Variants in GABBR2 observed in about 807,000 individuals in gnomAD.
GABBR2 encodes G-protein coupled receptor 51.
GABBR2 carries 23 observed loss-of-function variants against 105.6 expected under a neutral mutation model. The observed-to-expected ratio is 0.22, with a 90% CI of 0.16 to 0.31. GABBR2 has a LOEUF of 0.31. Among genes scored for constraint, GABBR2 ranks in the 10% least tolerant of loss-of-function variants. The probability of loss-of-function intolerance (pLI) is 1.00; values close to 1 mark genes in which losing one functional copy is unlikely to be tolerated. For missense variants in GABBR2, 734 were observed against 1,245.5 expected (o/e 0.59, Z 6.18); for synonymous variants, 478 against 499.7 (o/e 0.96, Z 0.58).
Position 98,306,079 on chromosome 9 carries a change from AGTCAGAG to A in GABBR2, c.2229+35_2229+41del. ...AAAGCCAGCAATGCCCCTGTGCTGG[AGTCAGAG>A]GGCAGAGGCCAGGTGGTGGGGCCAG... is the stretch of plus-strand genomic sequence containing the variant. On this transcript the variant is annotated intron_variant, in intron 15 of 18. Transcript: ENST00000259455. The surrounding 1 kb of genome is among the most constrained non-coding windows in gnomAD (Gnocchi z 5.4). 1 of 1,353,146 alleles carries A rather than the reference AGTCAGAG, an allele frequency of 7.4e-7. No homozygotes were observed. Among genetic ancestry groups the A allele is most frequent in the Non-Finnish European group, 1.1e-6 (1 of 947,470 alleles). 83.8% of individuals were successfully genotyped at this position (1,353,146 alleles called of 1,614,324 possible).
At chr9:98,633,061 C>A (rs1178248755) in intron 1 of GABBR2, among the ~76,000 whole-genome samples, 1 of 152,112 alleles carries the variant, frequency 6.6e-6, no homozygotes, top group Non-Finnish European at 1.5e-5. Context: ...TTGTAGATAT[C>A]CGTGGTGTGA....
chr9:98,446,922 G>C (rs1409872347), intron 7 of GABBR2, among the ~76,000 whole-genome samples: 4 of 152,142 alleles, frequency 2.6e-5, no homozygotes, highest in South Asian at 2.1e-4. Context: ...TAATCTGGGG[G>C]ATAGAGTCAC....
At chr9:98,297,275 T>C (rs958608613) in intron 17 of GABBR2, among the ~76,000 whole-genome samples, 20 of 152,208 alleles carry the variant, frequency 1.3e-4, no homozygotes, top group Admixed American at 3.3e-4. Flanking sequence ...ATATTAATTA[T>C]AGAATATTGC....
intron 1 of GABBR2, among the ~76,000 whole-genome samples, chr9:98,689,751 C>G (rs1830662823): frequency 6.6e-6 from 1 of 152,182 alleles, no homozygotes; most frequent in Non-Finnish European, 1.5e-5. Flanking sequence ...TGTCAGTTAT[C>G]ATTACATATA....
At chr9:98,383,454 G>A (rs1472737199) in intron 11 of GABBR2, among the ~76,000 whole-genome samples, 1 of 152,190 alleles carries the variant, frequency 6.6e-6, no homozygotes, top group Non-Finnish European at 1.5e-5. Context: ...GTGGGAATGA[G>A]CCAGTGCCAG....
At chr9:98,627,663 C>T (rs752104766) in intron 1 of GABBR2, among the ~76,000 whole-genome samples, 3 of 152,238 alleles carry the variant, frequency 2.0e-5, no homozygotes, top group Non-Finnish European at 4.4e-5. Context: ...GATGAGCACC[C>T]ATCAGGGCGT....
At position 98,654,514 on chromosome 9, in the gene GABBR2, T is replaced by C. The variant is rs373859171; in HGVS notation, c.321+53903A>G. ...TGGAGCATACATACTAGTGGTGAAA[T>C]GGATATTAGTCAAATAGTCAAACAA... On this transcript the variant is annotated intron_variant, in intron 1 of 18. Transcript: ENST00000259455. 1.8e-4 allele frequency among the ~76,000 whole-genome samples: 27 copies of C among 152,302 alleles called. No homozygotes were observed. In the East Asian group the frequency reaches 4.2e-3, roughly 24 times the overall value.
intron 17 of GABBR2, among the ~76,000 whole-genome samples, chr9:98,298,041 T>TA (rs34384818): frequency 0.12 from 15,968 of 133,492 alleles, 1,217 homozygotes; most frequent in African/African-American, 0.22. Context: ...GACTCCATCT[T>TA]AAAAAAAAAA....
intron 1 of GABBR2, among the ~76,000 whole-genome samples, chr9:98,602,139 C>T (rs1329691663): frequency 1.3e-5 from 2 of 151,472 alleles, no homozygotes; most frequent in Non-Finnish European, 2.9e-5. Context: ...TAGCTGGGAC[C>T]ACAGGCTTGC....
intron 1 of GABBR2, among the ~76,000 whole-genome samples, chr9:98,586,679 T>A (rs1378182459): frequency 6.6e-6 from 1 of 152,256 alleles, no homozygotes; most frequent in South Asian, 2.1e-4. Context: ...TTTCCGAACA[T>A]ACATATAAGT....
intron 1 of GABBR2, among the ~76,000 whole-genome samples, chr9:98,670,265 C>T (rs1360550153): frequency 1.4e-5 from 2 of 146,980 alleles, no homozygotes; most frequent in Non-Finnish European, 3.0e-5. Context: ...ACATTTTCGT[C>T]ACCTCAAAAA....
At chr9:98,561,154 GT>G (rs1265453496) in intron 2 of GABBR2, among the ~76,000 whole-genome samples, 1 of 151,632 alleles carries the variant, frequency 6.6e-6, no homozygotes, top group East Asian at 1.9e-4. Context: ...TTTTCTTATT[GT>G]TTTCCACAAT....
At chr9:98,585,756 T>C (rs1412263651) in intron 1 of GABBR2, among the ~76,000 whole-genome samples, 1 of 89,612 alleles carries the variant, frequency 1.1e-5, no homozygotes, top group East Asian at 2.1e-4. Flanking sequence ...GTATCCCTAA[T>C]TCAAAAATCT....
intron 7 of GABBR2, among the ~76,000 whole-genome samples, chr9:98,413,748 C>T (rs1410272709): frequency 6.6e-6 from 1 of 152,154 alleles, no homozygotes; most frequent in East Asian, 1.9e-4. Context: ...CTCCACAAAG[C>T]ATGTGGTGGC....
intron 1 of GABBR2, among the ~76,000 whole-genome samples, chr9:98,690,073 G>T (rs1830666240): frequency 6.6e-6 from 1 of 152,152 alleles, no homozygotes; most frequent in Non-Finnish European, 1.5e-5. Flanking sequence ...CAGCTTCCAT[G>T]ATTTCCTCCT....
At chr9:98,317,002 T>C (rs1425788411) in intron 13 of GABBR2, among the ~76,000 whole-genome samples, 1 of 152,152 alleles carries the variant, frequency 6.6e-6, no homozygotes, top group Admixed American at 6.5e-5. Context: ...TTGTGTCAAA[T>C]CGGAGGAGAC....
intron 7 of GABBR2, among the ~76,000 whole-genome samples, chr9:98,434,204 A>G (rs1825862703): frequency 6.6e-6 from 1 of 152,196 alleles, no homozygotes; most frequent in Non-Finnish European, 1.5e-5. Flanking sequence ...TTGGACTCCA[A>G]GCTCTTCAGC....
intron 4 of GABBR2, among the ~76,000 whole-genome samples, chr9:98,492,000 A>G (rs542217030): frequency 6.6e-6 from 1 of 152,232 alleles, no homozygotes; most frequent in African/African-American, 2.4e-5. Flanking sequence ...AGCCCCATAC[A>G]GTGCAGAATA....
intron 13 of GABBR2, among the ~76,000 whole-genome samples, chr9:98,341,267 A>G (rs974586559): frequency 6.6e-6 from 1 of 152,208 alleles, no homozygotes; most frequent in East Asian, 1.9e-4. Flanking sequence ...TGTGCCCACA[A>G]TGCTGACTGC....
Sources: allele counts gnomAD v4.1 joint callset (sites outside exome capture counted in the v4.1 genomes callset), GRCh38; gene constraint gnomAD v4.1.1; non-coding constraint Gnocchi (gnomAD v3.1); transcripts MANE v1.5; gene names NCBI Gene and HGNC (gene_info 2026-07-23, HGNC 2026-07-21).